The following SPNS2 variants were observed in gnomAD, a reference collection of about 807,000 sequenced individuals.
SPNS2 encodes the protein SPNS lysolipid transporter 2, sphingosine-1-phosphate.
A neutral mutation model predicts 57.6 loss-of-function variants in SPNS2; 37 were observed. The observed-to-expected ratio is 0.64, with a 90% CI of 0.49 to 0.85. SPNS2 has a LOEUF of 0.85. Ranked by LOEUF, SPNS2 falls within the 40% of genes least tolerant of loss-of-function variation. The pLI is 0.00. For missense variants in SPNS2, 831 were observed against 779.1 expected, an observed-to-expected ratio of 1.07 and a Z score of -0.79; for synonymous variants, 440 against 346.9, an observed-to-expected ratio of 1.27 and a Z score of -2.98.
In SPNS2 at chr17:4,511,375, A is replaced by C. The variant is rs1184154913; in HGVS notation, c.371-1872A>C. The stretch of plus-strand genomic sequence containing the variant: ...AAGTGTGCAGAGTCAGGGGGCCATG[A>C]GTAGTTTGGGGTGGCTAGTGGAGGG... On this transcript the variant is annotated intron_variant, in intron 1 of 12. Coordinates refer to ENST00000329078, the MANE Select transcript of SPNS2 (RefSeq NM_001124758.3). This position sits in a 1 kb window ranked among gnomAD's most constrained non-coding sequence, Gnocchi z 4.6. 6.6e-6 allele frequency among the ~76,000 whole-genome samples: 1 copy of C among 152,090 alleles called. No individual in the cohort carries two copies. The highest frequency in any genetic ancestry group is 2.4e-5 in the African/African-American group (1 of 41,410).
At chr17:4,528,459 A>G (rs2035261) in intron 3 of SPNS2, among the ~76,000 whole-genome samples, 4,970 of 152,024 alleles carry the variant, frequency 0.033, 266 homozygotes, top group African/African-American at 0.11. Context: ...TGTCCATTTT[A>G]TTTTTAAATA....
chr17:4,504,755 T>G (rs1904629514), intron 1 of SPNS2, among the ~76,000 whole-genome samples: 1 of 152,180 alleles, frequency 6.6e-6, no homozygotes, highest in South Asian at 2.1e-4. Flanking sequence ...AAGCTCCAAA[T>G]GTCTTCTGGG....
At position 4,536,327 on chromosome 17, in the gene SPNS2, A is replaced by T. The variant is rs955824235; in HGVS notation, c.1508A>T (p.Tyr503Phe). 4 of 1,612,050 alleles carry T rather than the reference A, an allele frequency of 2.5e-6. No individual in the cohort carries two copies. The Admixed American group carries it at 5.0e-5, about 20-fold the overall frequency. Reference protein sequence around the residue: ...SPLWEFLSLGYALMLCPFVVV... With the variant: ...SPLWEFLSLGFALMLCPFVVV... ...CTCTGGGAGTTCCTGAGCCTGGGCT[A>T]CGCGCTCATGCTCTGCCCTTTCGTC... Residue 503 changes from tyrosine to phenylalanine, a missense_variant, in exon 11 of 13, where the codon TAC becomes TTC. Physicochemically the swap from Tyr to Phe is conservative, Grantham distance 22. Around this residue, in one of 2 missense-constraint regions of SPNS2, gnomAD observed 526 missense variants for 400.9 expected, o/e 1.31. Transcript: ENST00000329078.
At chr17:4,517,407 C>T (rs1404770997) in intron 2 of SPNS2, among the ~76,000 whole-genome samples, 2 of 152,184 alleles carry the variant, frequency 1.3e-5, no homozygotes, top group Non-Finnish European at 2.9e-5. Context: ...CCTGTAATCC[C>T]AGCACTTTGG....
Position 4,512,205 on chromosome 17 carries a change from G to T in SPNS2, c.371-1042G>T, listed in dbSNP as rs542199386. ...AGGGCCATCTCCTCTTCCTTCTTCC[G>T]CTGTCCCTTCTCACTGCAGATGTGC... On this transcript the variant is annotated intron_variant, in intron 1 of 12. Transcript: ENST00000329078. The surrounding 1 kb of genome is among the most constrained non-coding windows in gnomAD (Gnocchi z 5.2). Among the ~76,000 whole-genome samples, 1 of 152,138 alleles carries T rather than the reference G, an allele frequency of 6.6e-6. No individual in the cohort carries two copies. The highest frequency in any genetic ancestry group is 1.9e-4 in the East Asian group (1 of 5,194).
chr17:4,536,495 C>T lies in SPNS2; in HGVS notation c.1607+69C>T, dbSNP rs538428532. ...AGGGACCGTGATAGCCACCGTGAGC[C>T]CTGCCCTGGGGTGGGGCGGGGAGGG... On this transcript the variant is annotated intron_variant, in intron 11 of 12. Coordinates refer to ENST00000329078, the MANE Select transcript of SPNS2 (RefSeq NM_001124758.3). The T allele has an allele frequency of 2.9e-5, 44 of 1,534,128 alleles. No homozygotes were observed. In the South Asian group the frequency reaches 4.3e-4, roughly 15 times the overall value.
chr17:4,535,512 A>C (rs906297644), intron 9 of SPNS2, among the ~76,000 whole-genome samples: 4 of 152,220 alleles, frequency 2.6e-5, no homozygotes, highest in African/African-American at 9.6e-5. Context: ...GTCCAAGGGC[A>C]GAAGCCAAGG....
intron 9 of SPNS2, 27 bp downstream of exon 9, chr17:4,533,880 T>G (rs1905624467): frequency 6.3e-7 from 1 of 1,594,328 alleles, no homozygotes; most frequent in Non-Finnish European, 8.6e-7. Context: ...GAGGTCACCT[T>G]GTGCTGCTGA....
chr17:4,538,852 T>G lies in SPNS2; in HGVS notation c.*1404T>G. 1.3e-6 allele frequency: 1 copy of G among 779,844 alleles called. No homozygotes were observed. The highest frequency in any genetic ancestry group is 2.4e-6 in the Non-Finnish European group (1 of 417,504). The allele number at this position is 779,844 out of a possible 1,614,324, so 48.3% of individuals were successfully genotyped here. ...ACCAGCCTCCACCCCCACTCCAGCC[T>G]CAGCGGGGCCCCAGCGATGTTTTCT... is the stretch of plus-strand genomic sequence containing the variant. On this transcript the variant is annotated 3_prime_UTR_variant, in exon 13 of 13. Transcript: ENST00000329078.
chr17:4,527,652 T>G (rs1311124237), intron 3 of SPNS2, among the ~76,000 whole-genome samples: 1 of 152,184 alleles, frequency 6.6e-6, no homozygotes, highest in Non-Finnish European at 1.5e-5. Flanking sequence ...AGGGCTCAGC[T>G]TCTCTAGTAA....
chr17:4,513,179 G>T (rs1276911559), intron 1 of SPNS2, 68 bp from the exon 2 acceptor site: 1 of 1,550,962 alleles, frequency 6.4e-7, no homozygotes, highest in Non-Finnish European at 8.9e-7. Flanking sequence ...CGGGAAAGAG[G>T]CTGGGCTGGT....
Position 4,532,522 on chromosome 17 carries a change from A to T in SPNS2, c.793-20A>T, listed in dbSNP as rs1179553484. ...GAGGCTCACTGGGCCCTGGTGTCCT[A>T]ACTTCCTGCTCTCTGGCAGGTGTCC... is the stretch of plus-strand genomic sequence containing the variant. On this transcript the variant is annotated intron_variant, in intron 5 of 12. Transcript: ENST00000329078. 1.9e-6 allele frequency: 3 copies of T among 1,614,030 alleles called. No individual in the cohort carries two copies. In the East Asian group the frequency reaches 6.7e-5, roughly 36 times the overall value.
chr17:4,530,783 G>C lies in SPNS2; in HGVS notation c.725G>C (p.Ser242Thr). Residue 242 changes from serine (S) to threonine (T), a missense_variant and splice_region_variant, in exon 4 of 13, where the codon AGT becomes ACT. Ser to Thr is a moderately conservative substitution (Grantham distance 58). This residue lies in a region of SPNS2 where 305 missense variants were observed against 378.3 expected (regional missense o/e 0.81). Coordinates refer to ENST00000329078, the MANE Select transcript of SPNS2 (RefSeq NM_001124758.3). ...TTCTACTTCGCCATCCCACTGGGCA[G>C]GTGAGAGCCGGAGATGCCAGGGTCT... ...SVFYFAIPLG[S>T]GLGYITGSSV... 1 of 1,611,654 alleles carries C rather than the reference G, an allele frequency of 6.2e-7. No individual in the cohort carries two copies. The highest frequency in any genetic ancestry group is 8.5e-7 in the Non-Finnish European group (1 of 1,178,832).
chr17:4,517,525 G>C (rs1478798463), intron 2 of SPNS2, among the ~76,000 whole-genome samples: 2 of 152,098 alleles, frequency 1.3e-5, no homozygotes, highest in Non-Finnish European at 2.9e-5. Context: ...GGCATGGTGT[G>C]GGCGCCTGTA....
Position 4,538,697 on chromosome 17 carries a change from T to C in SPNS2, c.*1249T>C. ...CCAAGAGCCAGCTTGGACAATGCTC[T>C]TCTTGCCCCTTAGTTACTGGCTGGC... On this transcript the variant is annotated 3_prime_UTR_variant, in exon 13 of 13. Coordinates refer to ENST00000329078, the MANE Select transcript of SPNS2 (RefSeq NM_001124758.3). 1 of 600,302 alleles carries C rather than the reference T, an allele frequency of 1.7e-6. No individual in the cohort carries two copies. Among genetic ancestry groups the C allele is most frequent in the Non-Finnish European group, 3.0e-6 (1 of 337,918 alleles). 37.2% of individuals were successfully genotyped at this position (600,302 alleles called of 1,614,324 possible).
Position 4,533,392 on chromosome 17 carries a change from T to C in SPNS2, c.1238T>C (p.Leu413Pro). 6.2e-7 allele frequency: 1 copy of C among 1,609,256 alleles called. No individual in the cohort carries two copies. The highest frequency in any genetic ancestry group is 8.5e-7 in the Non-Finnish European group (1 of 1,178,192). ...CTGGGCTCTGCCATCTTCATCTGCC[T>C]GATCTTCGTGGCTGCCAAGAGCAGC... is the stretch of plus-strand genomic sequence containing the variant. Reference protein sequence around the residue: ...GMLGSAIFICLIFVAAKSSIV... With the variant: ...GMLGSAIFICPIFVAAKSSIV... Residue 413 changes from leucine to proline, a missense_variant, in exon 8 of 13, where the codon CTG (leucine) becomes CCG (proline). Transcript: ENST00000329078.
chr17:4,528,170 G>C (rs763584459), intron 3 of SPNS2, among the ~76,000 whole-genome samples: 4 of 151,558 alleles, frequency 2.6e-5, no homozygotes, highest in African/African-American at 4.9e-5. Flanking sequence ...TTACAGGCAC[G>C]CGCCACCACA....
intron 3 of SPNS2, among the ~76,000 whole-genome samples, chr17:4,525,462 A>T (rs1312277570): frequency 6.6e-6 from 1 of 152,156 alleles, no homozygotes; most frequent in African/African-American, 2.4e-5. Context: ...CTGATTTGGG[A>T]TGGATGCAAA....
rs1906031519 is a variant in SPNS2 at position 4,538,786 on chromosome 17, G to T, written c.*1338G>T. On this transcript the variant is annotated 3_prime_UTR_variant, in exon 13 of 13. Transcript: ENST00000329078. ...CCACCAAGCTCTGGGGTACCCCGAG[G>T]GCCTGACAAGAGGATGGGGTGGGGG... 1.5e-5 allele frequency: 11 copies of T among 749,408 alleles called. No homozygotes were observed. In the South Asian group the frequency reaches 1.6e-4, roughly 11 times the overall value. 46.4% of individuals were successfully genotyped at this position (749,408 alleles called of 1,614,324 possible).
Sources: gnomAD v4.1 joint callset for allele counts (sites outside exome capture counted in the v4.1 genomes callset) on GRCh38, gnomAD v4.1.1 for gene constraint, gnomAD v4.1.1 regional missense constraint, Gnocchi (gnomAD v3.1) non-coding constraint, MANE v1.5 for transcripts, NCBI Gene and HGNC (gene_info 2026-07-23, HGNC 2026-07-21) for gene names.